CYREN: variants seen among roughly 807,000 people sequenced by gnomAD.
CYREN encodes cell cycle regulator of NHEJ, also known as cell cycle regulator of non-homologous end joining.
A neutral mutation model predicts 9.7 loss-of-function variants in CYREN; 7 were observed. The observed-to-expected ratio is 0.72, with a 90% CI of 0.41 to 1.36. CYREN has a LOEUF of 1.36. Among genes scored for constraint, CYREN ranks in the 40% most tolerant of loss-of-function variants. The pLI, the probability that CYREN is intolerant of heterozygous loss-of-function variation, is 0.01. For missense variants in CYREN, 215 were observed against 198.1 expected, an observed-to-expected ratio of 1.09 and a Z score of -0.51; for synonymous variants, 76 against 77.9, an observed-to-expected ratio of 0.98 and a Z score of 0.13.
At chr7:135,128,981 C>A (rs1316140998) in intron 2 of CYREN, 1 of 1,590,634 alleles carries the variant, frequency 6.3e-7, no homozygotes, top group Non-Finnish European at 8.6e-7. Flanking sequence ...TCTTGGAGTG[C>A]AGGCATGTGT....
downstream of CYREN, chr7:135,165,146 C>T: frequency 8.5e-6 from 8 of 946,106 alleles, no homozygotes; most frequent in South Asian, 2.0e-5. Context: ...GTCAAAGAGG[C>T]CGAGGGGCAG....
At chr7:135,153,820 T>G (rs1184517630) in intron 2 of CYREN, among the ~76,000 whole-genome samples, 2 of 152,216 alleles carry the variant, frequency 1.3e-5, no homozygotes, top group African/African-American at 4.8e-5. Context: ...TGTGTCCTTG[T>G]CTGGTTTTTA....
At chr7:135,128,557 G>A in intron 2 of CYREN, 1 of 768,738 alleles carries the variant, frequency 1.3e-6, no homozygotes, top group Admixed American at 1.7e-5. Context: ...GGATCTATTT[G>A]GATTTGCCAT....
chr7:135,171,309 G>C (rs77752541), upstream of CYREN, among the ~76,000 whole-genome samples: 4 of 23,186 alleles, frequency 1.7e-4, no homozygotes, highest in Non-Finnish European at 6.1e-4. Context: ...CTCAGTACCT[G>C]TTTTTTTTTT....
chr7:135,162,217 G>C (rs1259883696), downstream of CYREN, among the ~76,000 whole-genome samples: 1 of 152,196 alleles, frequency 6.6e-6, no homozygotes, highest in African/African-American at 2.4e-5. Context: ...TGTTCCCCCA[G>C]AGGGGTCCCC....
intron 3 of CYREN, chr7:135,167,429 G>A: frequency 3.3e-6 from 4 of 1,208,506 alleles, no homozygotes; most frequent in Non-Finnish European, 4.1e-6. Context: ...ACACAAACAG[G>A]TAAACGCTTC....
intron 3 of CYREN, 132 bp downstream of exon 3, chr7:135,167,600 G>A (rs1439285939): frequency 6.7e-7 from 1 of 1,488,192 alleles, no homozygotes; most frequent in African/African-American, 1.4e-5. Context: ...CGAGATAAGA[G>A]CAAGGGAAGT....
intron 2 of CYREN, among the ~76,000 whole-genome samples, chr7:135,138,915 G>A (rs1829402969): frequency 6.6e-6 from 1 of 151,876 alleles, no homozygotes; most frequent in Non-Finnish European, 1.5e-5. Flanking sequence ...TGCTGTAAAG[G>A]ACACTATTTC....
At chr7:135,130,110 G>A (rs1372987391) in intron 2 of CYREN, among the ~76,000 whole-genome samples, 1 of 152,066 alleles carries the variant, frequency 6.6e-6, no homozygotes, top group Non-Finnish European at 1.5e-5. Context: ...CTTACAACTG[G>A]GGTAGGTAGA....
chr7:135,171,331 AAAAAAG>A (rs1327901477), upstream of CYREN, among the ~76,000 whole-genome samples: 2 of 151,076 alleles, frequency 1.3e-5, no homozygotes, highest in African/African-American at 2.4e-5. Flanking sequence ...TTTTTTAAAA[AAAAAAG>A]GAAGTGAAAT....
At chr7:135,100,814 T>C (rs1823722116) in intron 2 of CYREN, among the ~76,000 whole-genome samples, 1 of 152,240 alleles carries the variant, frequency 6.6e-6, no homozygotes, top group Non-Finnish European at 1.5e-5. Context: ...TTAGAAGATG[T>C]GAATGCTACA....
At chr7:135,098,911 C>T (rs1823333963) in intron 2 of CYREN, among the ~76,000 whole-genome samples, 6 of 151,926 alleles carry the variant, frequency 3.9e-5, no homozygotes, top group Admixed American at 3.9e-4. Flanking sequence ...CTTAAATATC[C>T]ACTAAAGAGC....
chr7:135,150,181 T>C lies in CYREN; in HGVS notation n.356+18568A>G, dbSNP rs150480233. On this transcript the variant is annotated intron_variant and non_coding_transcript_variant, in intron 2 of 2. Coordinates refer to the CYREN transcript ENST00000459937. ...GAGATGAGGACCTAAAATAGTTTTG[T>C]TTCTCTTTTCTAGTTAGCTGATCAA... Among the ~76,000 whole-genome samples the C allele has an allele frequency of 2.9e-3, 438 of 152,280 alleles. 2 individuals carry two copies. Among genetic ancestry groups the C allele is most frequent in the African/African-American group, 0.01 (417 of 41,544 alleles).
intron 2 of CYREN, among the ~76,000 whole-genome samples, chr7:135,117,384 T>A (rs1052312624): frequency 6.6e-6 from 1 of 152,218 alleles, no homozygotes; most frequent in Admixed American, 6.5e-5. Context: ...GCCCTATGAT[T>A]ACATTCAGAT....
At chr7:135,115,462 T>C in intron 2 of CYREN, 7 of 1,550,744 alleles carry the variant, frequency 4.5e-6, no homozygotes, top group Non-Finnish European at 5.2e-6. Context: ...GGACAGATGA[T>C]GAAAAAAGAA....
chr7:135,143,806 A>G (rs1829495334), intron 2 of CYREN, among the ~76,000 whole-genome samples: 1 of 152,226 alleles, frequency 6.6e-6, no homozygotes. Flanking sequence ...AAATTGTCCT[A>G]AGGACATACA....
chr7:135,104,582 C>T (rs1007194598), intron 2 of CYREN, among the ~76,000 whole-genome samples: 10 of 152,062 alleles, frequency 6.6e-5, no homozygotes, highest in Admixed American at 1.3e-4. Flanking sequence ...GCAACCTTGC[C>T]GGCATTTGTT....
intron 2 of CYREN, among the ~76,000 whole-genome samples, chr7:135,144,752 C>CA (rs1829511386): frequency 2.4e-5 from 3 of 124,216 alleles, no homozygotes; most frequent in African/African-American, 5.8e-5. Flanking sequence ...CCTATCTGTA[C>CA]CAAAAAATTA....
rs150529963 is a variant in CYREN at position 135,155,633 on chromosome 7, T to C, written n.356+13116A>G. Among the ~76,000 whole-genome samples the C allele has an allele frequency of 1.4e-3, 209 of 152,296 alleles. 3 individuals are homozygous for C. Among genetic ancestry groups the C allele is most frequent in the African/African-American group, 4.9e-3 (203 of 41,556 alleles). On this transcript the variant is annotated intron_variant and non_coding_transcript_variant, in intron 2 of 2. Coordinates refer to the CYREN transcript ENST00000459937. ...AATTGATGCCAGGCAGGGGCATTAATTGATGGAAGGTGGTCAAGACCAACC... is the reference window on the plus strand; with the variant it reads ...AATTGATGCCAGGCAGGGGCATTAACTGATGGAAGGTGGTCAAGACCAACC...
Sources: gnomAD v4.1 joint callset for allele counts (sites outside exome capture counted in the v4.1 genomes callset) on GRCh38, gnomAD v4.1.1 for gene constraint, MANE v1.5 for transcripts, NCBI Gene and HGNC (gene_info 2026-07-23, HGNC 2026-07-21) for gene names.